Variants in RBPJ observed in about 807,000 individuals in gnomAD.
RBPJ encodes recombination signal binding protein for immunoglobulin kappa J region.
In RBPJ, 9 loss-of-function variants were observed where a neutral mutation model predicts 67.8. The ratio of observed to expected loss-of-function variants is 0.13; its 90% CI spans 0.08 to 0.23. The LOEUF (loss-of-function observed/expected upper bound fraction) is 0.23. Among genes scored for constraint, RBPJ ranks in the 10% least tolerant of loss-of-function variants. The probability of loss-of-function intolerance (pLI) is 1.00; values close to 1 mark genes in which losing one functional copy is unlikely to be tolerated. For synonymous variants in RBPJ, 198 were observed against 203.3 expected, an observed-to-expected ratio of 0.97 and a Z score of 0.22; for missense variants, 305 against 595.6, an observed-to-expected ratio of 0.51 and a Z score of 5.08.
intron 1 of RBPJ, among the ~76,000 whole-genome samples, chr4:26,259,281 A>G (rs973196141): frequency 2.0e-5 from 3 of 152,128 alleles, no homozygotes; most frequent in African/African-American, 7.2e-5. Context: ...TTTCCTGGGC[A>G]TTTTTTCATT....
intron 1 of RBPJ, among the ~76,000 whole-genome samples, chr4:26,263,861 C>G (rs1239473484): frequency 1.3e-5 from 2 of 150,030 alleles, no homozygotes; most frequent in Non-Finnish European, 3.0e-5. Flanking sequence ...TGAGCCACAG[C>G]ACCCAGTCTT....
rs1720648174 is a variant in RBPJ, at chr4:26,264,595, G to A, written c.-166-97851G>A. 6.6e-6 allele frequency among the ~76,000 whole-genome samples: 1 copy of A among 151,958 alleles called. No homozygotes were observed. The highest frequency in any genetic ancestry group is 2.4e-5 in the African/African-American group (1 of 41,330). On this transcript the variant is annotated intron_variant, in intron 1 of 4. Transcript: ENST00000512351. The surrounding 1 kb of genome is among the most constrained non-coding windows in gnomAD (Gnocchi z 4.1). ...TTCCAGCCTTACTTCTCACCATATA[G>A]GCACATACACTCACACACACTTGCT... is the stretch of plus-strand genomic sequence containing the variant.
At chr4:26,288,062 T>C (rs1721539903) in intron 1 of RBPJ, among the ~76,000 whole-genome samples, 1 of 152,218 alleles carries the variant, frequency 6.6e-6, no homozygotes, top group Admixed American at 6.5e-5. Context: ...TAAAGTCTGA[T>C]ATTAGTCCTC....
At chr4:26,270,288 AAAGGG>A (rs1333099321) in intron 1 of RBPJ, among the ~76,000 whole-genome samples, 18 of 120,652 alleles carry the variant, frequency 1.5e-4, no homozygotes, top group Non-Finnish European at 5.0e-5. Context: ...GTCGGAAAGG[AAAGGG>A]AAGGGAAGGG....
intron 1 of RBPJ, among the ~76,000 whole-genome samples, chr4:26,225,991 T>C (rs1396031695): frequency 6.6e-6 from 1 of 151,086 alleles, no homozygotes; most frequent in African/African-American, 2.4e-5. Flanking sequence ...CTACTAAAAA[T>C]ACAAAAAATT....
chr4:26,348,547 TG>T (rs1726423880), intron 1 of RBPJ, among the ~76,000 whole-genome samples: 1 of 152,228 alleles, frequency 6.6e-6, no homozygotes, highest in Non-Finnish European at 1.5e-5. Flanking sequence ...AAAGTTAGCA[TG>T]TACCCCAATA....
intron 1 of RBPJ, among the ~76,000 whole-genome samples, chr4:26,300,221 G>A (rs1722030071): frequency 6.6e-6 from 1 of 151,840 alleles, no homozygotes; most frequent in South Asian, 2.1e-4. Flanking sequence ...CATCCACCTT[G>A]CAGAGCTGGA....
chr4:26,303,547 A>G (rs1240987024), intron 1 of RBPJ, among the ~76,000 whole-genome samples: 2 of 151,790 alleles, frequency 1.3e-5, no homozygotes, highest in African/African-American at 4.8e-5. Flanking sequence ...TTATTTGCTT[A>G]TTTTCTATAG....
At chr4:26,391,553 A>G (rs1385137683) in intron 2 of RBPJ, among the ~76,000 whole-genome samples, 1 of 152,258 alleles carries the variant, frequency 6.6e-6, no homozygotes, top group East Asian at 1.9e-4. Flanking sequence ...TAAAGTATAC[A>G]GCTTTTAGAA....
intron 1 of RBPJ, among the ~76,000 whole-genome samples, chr4:26,370,380 T>C (rs545220683): frequency 4.6e-5 from 7 of 152,356 alleles, no homozygotes; most frequent in Non-Finnish European, 1.0e-4. Flanking sequence ...CTAATAACAT[T>C]ATGTTTAATA....
intron 1 of RBPJ, among the ~76,000 whole-genome samples, chr4:26,184,383 G>C (rs796525706): frequency 6.6e-6 from 1 of 151,998 alleles, no homozygotes; most frequent in African/African-American, 2.4e-5. Context: ...GGAGCAGGGT[G>C]GGGGCAGTGG....
intron 1 of RBPJ, among the ~76,000 whole-genome samples, chr4:26,256,305 G>T (rs1453943158): frequency 1.3e-5 from 2 of 148,696 alleles, no homozygotes; most frequent in African/African-American, 5.0e-5. Context: ...AAAAAAAAAA[G>T]ATTTTTGACT....
chr4:26,309,684 A>G (rs1283269606), intron 1 of RBPJ, among the ~76,000 whole-genome samples: 1 of 152,206 alleles, frequency 6.6e-6, no homozygotes, highest in Non-Finnish European at 1.5e-5. Flanking sequence ...CAGAACCCAA[A>G]ACCACTGCAA....
rs1370679202 is a variant in RBPJ at position 26,433,976 on chromosome 4, C to G, written c.*2969C>G. On this transcript the variant is annotated 3_prime_UTR_variant, in exon 11 of 11. Transcript: ENST00000355476. ...AGAAATGTATCTTATGCTCTCATGA[C>G]TATGCAGTTTCTAAACATACACATA... The G allele has an allele frequency of 6.6e-6, 1 of 152,166 alleles. No homozygotes were observed. Among genetic ancestry groups the G allele is most frequent in the African/African-American group, 2.4e-5 (1 of 41,452 alleles). The allele number at this position is 152,166 out of a possible 1,614,324, so 9.4% of individuals were successfully genotyped here. A position where few individuals can be genotyped will look rare whatever the true frequency, so the allele number is the denominator to read the frequency against.
At chr4:26,107,607 T>C in the RBPJ span, among the ~76,000 whole-genome samples, 3 of 152,168 alleles carry the variant, frequency 2.0e-5, no homozygotes, top group Admixed American at 2.0e-4. Context: ...CTCAGATGCT[T>C]CTCTTTGGGT....
chr4:26,134,547 C>A, the RBPJ span, among the ~76,000 whole-genome samples: 429 of 152,276 alleles, frequency 2.8e-3, 2 homozygotes, highest in Non-Finnish European at 4.5e-3. Flanking sequence ...TTCCTTTGGC[C>A]AATGGTTTTC....
At chr4:26,299,672 C>CT (rs397879662) in intron 1 of RBPJ, among the ~76,000 whole-genome samples, 1,549 of 85,290 alleles carry the variant, frequency 0.018, 49 homozygotes, top group Non-Finnish European at 0.025. Context: ...AGACTGTGTG[C>CT]TTTTTTTTTT....
At chr4:26,158,949 C>CTCTCTCTCTCTCTG (rs2109104559), upstream of RBPJ, among the ~76,000 whole-genome samples, 1 of 62,660 alleles carries the variant, frequency 1.6e-5, no homozygotes, top group South Asian at 7.4e-4. Context: ...CTCTCTTTCT[C>CTCTCTCTCTCTCTG]TCTCTCTCTC....
intron 1 of RBPJ, among the ~76,000 whole-genome samples, chr4:26,330,148 G>T (rs757044684): frequency 2.0e-5 from 3 of 152,136 alleles, no homozygotes; most frequent in Non-Finnish European, 4.4e-5. Context: ...GCTTATTGTA[G>T]GTCTTTAATA....
Sources: gnomAD v4.1 joint callset for allele counts (sites outside exome capture counted in the v4.1 genomes callset) on GRCh38, gnomAD v4.1.1 for gene constraint, Gnocchi (gnomAD v3.1) non-coding constraint, MANE v1.5 for transcripts, NCBI Gene and HGNC (gene_info 2026-07-23, HGNC 2026-07-21) for gene names.